The following NDST4 variants were observed in gnomAD, a reference collection of about 807,000 sequenced individuals.
NDST4 encodes N-deacetylase and N-sulfotransferase 4, also known as N-heparan sulfate sulfotransferase 4.
Under a neutral mutation model 100.8 loss-of-function variants are expected in NDST4, and 63 were observed. The ratio of observed to expected loss-of-function variants is 0.62; its 90% confidence interval spans 0.51 to 0.77. The LOEUF (loss-of-function observed/expected upper bound fraction) is 0.77. Ranked by LOEUF, NDST4 falls within the 30% of genes least tolerant of loss-of-function variation. NDST4 has a pLI of 0.00. For synonymous variants in NDST4, 377 were observed against 361.8 expected, an observed-to-expected ratio of 1.04 and a Z score of -0.48; for missense variants, 943 against 1,018.4, an observed-to-expected ratio of 0.93 and a Z score of 1.01.
intron 6 of NDST4, among the ~76,000 whole-genome samples, chr4:114,933,457 G>A (rs1454004768): frequency 2.1e-5 from 1 of 46,668 alleles, no homozygotes; most frequent in Non-Finnish European, 4.4e-5. Flanking sequence ...TTTTTTTTGT[G>A]TGTAAAAACC....
chr4:115,002,994 C>T (rs1442772097), intron 2 of NDST4, among the ~76,000 whole-genome samples: 1 of 152,076 alleles, frequency 6.6e-6, no homozygotes, highest in Non-Finnish European at 1.5e-5. Flanking sequence ...AACCAAACAC[C>T]ATGTGTTCTC....
chr4:115,088,542 T>G (rs936598523), intron 1 of NDST4, among the ~76,000 whole-genome samples: 4 of 151,998 alleles, frequency 2.6e-5, no homozygotes, highest in Non-Finnish European at 5.9e-5. Flanking sequence ...TCCTAGTTTC[T>G]GGGTTCTGTG....
intron 6 of NDST4, among the ~76,000 whole-genome samples, chr4:114,932,502 T>C (rs1357844869): frequency 1.3e-5 from 2 of 151,744 alleles, no homozygotes; most frequent in Non-Finnish European, 2.9e-5. Flanking sequence ...CCAGAGAAAC[T>C]GGGCAAGAGA....
At chr4:115,025,088 T>TGTTCATTATAAATTACC (rs140191710) in intron 2 of NDST4, among the ~76,000 whole-genome samples, 46,846 of 151,642 alleles carry the variant, frequency 0.31, 7,360 homozygotes, top group South Asian at 0.53. Flanking sequence ...AATAAATTTC[T>TGTTCATTATAAATTACC]GTTCATTATA....
chr4:115,098,407 G>T (rs1339281902), intron 1 of NDST4, among the ~76,000 whole-genome samples: 1 of 152,144 alleles, frequency 6.6e-6, no homozygotes, highest in Non-Finnish European at 1.5e-5. Context: ...AAGCCAGCAG[G>T]TAGGAGACCA....
chr4:115,106,599 A>G (rs1286697706), intron 1 of NDST4, among the ~76,000 whole-genome samples: 1 of 152,130 alleles, frequency 6.6e-6, no homozygotes, highest in Non-Finnish European at 1.5e-5. Context: ...GTTATACTGT[A>G]TTATTTAGAG....
intron 1 of NDST4, among the ~76,000 whole-genome samples, chr4:115,106,037 A>T (rs1441131638): frequency 6.6e-6 from 1 of 152,216 alleles, no homozygotes; most frequent in East Asian, 1.9e-4. Context: ...GCCATCAAAA[A>T]GCTTTTGGAT....
chr4:114,896,397 G>A (rs1724713207), intron 6 of NDST4, among the ~76,000 whole-genome samples: 2 of 152,052 alleles, frequency 1.3e-5, no homozygotes, highest in South Asian at 4.1e-4. Flanking sequence ...GCCGAGGTGG[G>A]TGGATCACGA....
Position 114,988,801 on chromosome 4 carries a change from G to T in NDST4, c.979-11527C>A, listed in dbSNP as rs151081439. 4.2e-3 allele frequency among the ~76,000 whole-genome samples: 640 copies of T among 152,078 alleles called. 4 individuals carry two copies. Among genetic ancestry groups the T allele is most frequent in the African/African-American group, 0.015 (606 of 41,482 alleles). ...TGTAGTAGAATTTTCTCAGTGCACC[G>T]CCAGTAGGATAAATATAACTAATTT... On this transcript the variant is annotated intron_variant, in intron 2 of 13. Coordinates refer to ENST00000264363, the MANE Select transcript of NDST4 (RefSeq NM_022569.3).
At chr4:115,036,298 T>G (rs1728231547) in intron 2 of NDST4, among the ~76,000 whole-genome samples, 1 of 151,344 alleles carries the variant, frequency 6.6e-6, no homozygotes, top group Non-Finnish European at 1.5e-5. Flanking sequence ...TTCACCTCAT[T>G]ATTATTATAA....
intron 6 of NDST4, among the ~76,000 whole-genome samples, chr4:114,932,712 A>G (rs1427583774): frequency 6.6e-6 from 1 of 152,010 alleles, no homozygotes; most frequent in African/African-American, 2.4e-5. Context: ...TCTGAAAAAG[A>G]AATAAAAAAG....
intron 10 of NDST4, among the ~76,000 whole-genome samples, chr4:114,843,046 A>C (rs1723466482): frequency 6.6e-6 from 1 of 152,190 alleles, no homozygotes; most frequent in Non-Finnish European, 1.5e-5. Flanking sequence ...TAGACTCATC[A>C]AATCATATAT....
intron 6 of NDST4, among the ~76,000 whole-genome samples, chr4:114,933,155 A>T (rs1178232451): frequency 6.6e-6 from 1 of 152,158 alleles, no homozygotes; most frequent in Non-Finnish European, 1.5e-5. Flanking sequence ...CAAACGGTCC[A>T]GAAATAAATC....
chr4:115,097,260 C>T (rs1416519081), intron 1 of NDST4, among the ~76,000 whole-genome samples: 1 of 152,100 alleles, frequency 6.6e-6, no homozygotes, highest in Non-Finnish European at 1.5e-5. Flanking sequence ...GTTTGTATAT[C>T]TAACCACATA....
rs934755991 is a variant in NDST4 at position 114,958,006 on chromosome 4, C to T, written c.1221+12424G>A. ...AGTGTCTGTGGCTTTTCCAGGTGCA[C>T]GGTGCAAGCCATTGGTGGATCTACC... On this transcript the variant is annotated intron_variant, in intron 4 of 13. Transcript: ENST00000264363. Among the ~76,000 whole-genome samples, 333 of 152,280 alleles carry T rather than the reference C, an allele frequency of 2.2e-3. 6 individuals are homozygous for T. The highest frequency in any genetic ancestry group is 3.4e-4 in the Non-Finnish European group (23 of 68,018).
rs1372782769 is a variant in NDST4, at chr4:115,101,839, C to T, written c.-247+11605G>A. On this transcript the variant is annotated intron_variant, in intron 1 of 13. Coordinates refer to ENST00000264363, the MANE Select transcript of NDST4 (RefSeq NM_022569.3). ...TATTAGCAGGTGAGAACTCTGTAAGCGATATGAGATTTCAGAGAGAGTGGA... is the reference window on the plus strand; with the variant it reads ...TATTAGCAGGTGAGAACTCTGTAAGTGATATGAGATTTCAGAGAGAGTGGA... 4.6e-5 allele frequency among the ~76,000 whole-genome samples: 7 copies of T among 151,958 alleles called. 1 individual carries two copies. Among genetic ancestry groups the T allele is most frequent in the South Asian group, 4.2e-4 (2 of 4,814 alleles).
chr4:115,021,795 C>T (rs1210217685), intron 2 of NDST4, among the ~76,000 whole-genome samples: 2 of 151,782 alleles, frequency 1.3e-5, no homozygotes, highest in Admixed American at 1.3e-4. Context: ...ATACCTTCCA[C>T]ATCTATACAC....
intron 2 of NDST4, among the ~76,000 whole-genome samples, chr4:115,029,273 CCTTAGAGAAGGAGCGGTTGAAAAATAG>C (rs1728056234): frequency 6.6e-6 from 1 of 151,976 alleles, no homozygotes; most frequent in African/African-American, 2.4e-5. Flanking sequence ...GTGAAGATTG[CCTTAGAGAAGGAGCGGTTGAAAAATAG>C]AGCAGCCAGA....
At chr4:115,065,822 T>G (rs1430226472) in intron 2 of NDST4, among the ~76,000 whole-genome samples, 2 of 152,134 alleles carry the variant, frequency 1.3e-5, no homozygotes. Context: ...CACCCACATT[T>G]AGTCCCACTA....
Sources: allele counts gnomAD v4.1 joint callset (sites outside exome capture counted in the v4.1 genomes callset), GRCh38; gene constraint gnomAD v4.1.1; transcripts MANE v1.5; gene names NCBI Gene and HGNC (gene_info 2026-07-23, HGNC 2026-07-21).